The following SLMAP variants were observed in gnomAD, a reference collection of about 807,000 sequenced individuals.
SLMAP encodes sarcolemmal membrane-associated protein.
Under a neutral mutation model 128.8 loss-of-function variants are expected in SLMAP, and 44 were observed. The ratio of observed to expected loss-of-function variants is 0.34; its 90% confidence interval spans 0.27 to 0.44. SLMAP has a LOEUF of 0.44. Ranked by LOEUF, SLMAP falls within the 20% of genes least tolerant of loss-of-function variation. The pLI is 1.00. For synonymous variants in SLMAP, 327 were observed against 348.8 expected, an observed-to-expected ratio of 0.94 and a Z score of 0.70; for missense variants, 787 against 985.3, an observed-to-expected ratio of 0.80 and a Z score of 2.69.
intron 2 of SLMAP, among the ~76,000 whole-genome samples, chr3:57,759,161 G>C (rs1301877860): frequency 6.6e-6 from 1 of 152,158 alleles, no homozygotes; most frequent in Non-Finnish European, 1.5e-5. Context: ...GAACTGAAGA[G>C]TATGTTAACT....
At chr3:57,890,133 G>T in intron 15 of SLMAP, 33 bp downstream of exon 15, 1 of 1,604,054 alleles carries the variant, frequency 6.2e-7, no homozygotes, top group South Asian at 1.1e-5. Flanking sequence ...TTTTTTGACA[G>T]TTCTTTTGGA....
chr3:57,874,879 T>A lies in SLMAP; in HGVS notation c.1300+3181T>A, dbSNP rs1275320988. ...TGTCTCAAAAAAAAAAAAAAAGCTT[T>A]TTACTTTTTAATGTCTATTTTATTA... is the stretch of plus-strand genomic sequence containing the variant. On this transcript the variant is annotated intron_variant, in intron 14 of 24. Coordinates refer to ENST00000671191, the MANE Select transcript of SLMAP (RefSeq NM_001377540.1). 2.0e-5 allele frequency among the ~76,000 whole-genome samples: 3 copies of A among 152,210 alleles called. No individual in the cohort carries two copies. In the South Asian group the frequency reaches 6.2e-4, roughly 32 times the overall value.
chr3:57,870,718 A>T (rs2095461491), intron 13 of SLMAP, among the ~76,000 whole-genome samples: 2 of 152,202 alleles, frequency 1.3e-5, no homozygotes, highest in African/African-American at 2.4e-5. Flanking sequence ...GGAGGTTTTT[A>T]TAGAGAGAAT....
At chr3:57,801,908 T>C (rs2088530152) in intron 2 of SLMAP, among the ~76,000 whole-genome samples, 1 of 152,120 alleles carries the variant, frequency 6.6e-6, no homozygotes, top group Non-Finnish European at 1.5e-5. Context: ...CACTGAATAT[T>C]TATTATTTAA....
intron 4 of SLMAP, among the ~76,000 whole-genome samples, chr3:57,844,226 C>T (rs904651811): frequency 1.3e-5 from 2 of 151,954 alleles, no homozygotes; most frequent in Admixed American, 6.6e-5. Flanking sequence ...AACCCCGTCT[C>T]TACTAAAAAT....
chr3:57,857,762 A>G lies in SLMAP; in HGVS notation c.549A>G (p.Glu183=), dbSNP rs967568643. The part of the protein sequence containing the change: ...QEALHREQML[E]QKLATLQRLL... The stretch of plus-strand genomic sequence containing the variant: ...CCTTACATCGGGAACAAATGTTGGA[A>G]CAGAAGTTAGCCACGCTTCAGCGGC... The change falls in exon 7 of 25, where the codon GAA becomes GAG. Residue 183 remains glutamate, a synonymous_variant. Coordinates refer to ENST00000671191, the MANE Select transcript of SLMAP (RefSeq NM_001377540.1). 6.2e-7 allele frequency: 1 copy of G among 1,613,864 alleles called. No individual in the cohort carries two copies. Among genetic ancestry groups the G allele is most frequent in the East Asian group, 2.2e-5 (1 of 44,862 alleles).
intron 2 of SLMAP, among the ~76,000 whole-genome samples, chr3:57,773,596 A>G (rs2081290511): frequency 6.6e-6 from 1 of 152,198 alleles, no homozygotes; most frequent in Non-Finnish European, 1.5e-5. Context: ...AACTGTGGGG[A>G]AAGCAATGCC....
intron 6 of SLMAP, 92 bp downstream of exon 6, chr3:57,849,908 T>C: frequency 1.3e-6 from 1 of 758,996 alleles, no homozygotes. Flanking sequence ...GCATGGTGGC[T>C]AATGCCTGTA....
At chr3:57,776,700 G>A (rs567458827) in intron 2 of SLMAP, among the ~76,000 whole-genome samples, 213 of 151,188 alleles carry the variant, frequency 1.4e-3, no homozygotes, top group African/African-American at 4.7e-3. Context: ...CTAATTTTTT[G>A]TATTTAGTAG....
intron 13 of SLMAP, among the ~76,000 whole-genome samples, chr3:57,869,630 T>TTATA (rs55916379): frequency 0.055 from 4,125 of 75,318 alleles, 162 homozygotes; most frequent in Non-Finnish European, 0.067. Context: ...CCCATCTCTA[T>TTATA]TATATATATA....
intron 15 of SLMAP, 67 bp downstream of exon 15, chr3:57,890,167 C>A: frequency 6.7e-7 from 1 of 1,497,538 alleles, no homozygotes; most frequent in Admixed American, 1.7e-5. Context: ...TGTATATTTT[C>A]AAGGTTATAG....
chr3:57,765,340 A>G (rs1396157740), intron 2 of SLMAP, among the ~76,000 whole-genome samples: 3 of 152,168 alleles, frequency 2.0e-5, no homozygotes, highest in Admixed American at 6.6e-5. Context: ...GTTCAAGGCT[A>G]TAGTGCACTA....
intron 6 of SLMAP, among the ~76,000 whole-genome samples, chr3:57,856,449 A>G (rs1227147429): frequency 3.9e-5 from 6 of 152,126 alleles, no homozygotes; most frequent in Non-Finnish European, 2.9e-5. Context: ...TTACTTTTTA[A>G]ACTTTTTTGT....
At chr3:57,756,407 C>T (rs1033914636) in intron 1 of SLMAP, 65 bp downstream of exon 1, 1 of 152,566 alleles carries the variant, frequency 6.6e-6, no homozygotes, top group Non-Finnish European at 1.5e-5. Flanking sequence ...GCTCCAAATC[C>T]TCGTAGCCTG....
chr3:57,804,302 A>G (rs189623748), intron 2 of SLMAP, among the ~76,000 whole-genome samples: 1 of 152,308 alleles, frequency 6.6e-6, no homozygotes, highest in Non-Finnish European at 1.5e-5. Flanking sequence ...TCGTTGTTAC[A>G]TAGGGCTGTA....
chr3:57,873,071 A>G (rs1363392021), intron 14 of SLMAP, among the ~76,000 whole-genome samples: 1 of 152,238 alleles, frequency 6.6e-6, no homozygotes, highest in East Asian at 1.9e-4. Flanking sequence ...GAGATCCTTC[A>G]AAGAAACTGA....
intron 14 of SLMAP, among the ~76,000 whole-genome samples, chr3:57,879,157 C>T (rs2095668628): frequency 6.6e-6 from 1 of 152,198 alleles, no homozygotes; most frequent in African/African-American, 2.4e-5. Context: ...CATATTCAGC[C>T]TCCTTTGAAC....
At position 57,770,052 on chromosome 3, in the gene SLMAP, G is replaced by A. The variant is rs2080516629; in HGVS notation, c.198+12203G>A. The stretch of plus-strand genomic sequence containing the variant: ...CATAGAAGCAGTAAAGTATTGTTAG[G>A]ATGAACTGTACTAGTTTGATTAGAA... On this transcript the variant is annotated intron_variant, in intron 2 of 24. Coordinates refer to ENST00000671191, the MANE Select transcript of SLMAP (RefSeq NM_001377540.1). Among the ~76,000 whole-genome samples the A allele has an allele frequency of 3.3e-5, 5 of 152,164 alleles. 1 individual carries two copies. In the South Asian group the frequency reaches 1.0e-3, roughly 32 times the overall value.
At chr3:57,849,869 A>G in intron 6 of SLMAP, 53 bp downstream of exon 6, 1 of 1,022,360 alleles carries the variant, frequency 9.8e-7, no homozygotes, top group Non-Finnish European at 1.6e-6. Context: ...TAAACTTTTA[A>G]AAGTTCTTAA....
Sources: gnomAD v4.1 joint callset for allele counts (sites outside exome capture counted in the v4.1 genomes callset) on GRCh38, gnomAD v4.1.1 for gene constraint, MANE v1.5 for transcripts, NCBI Gene and HGNC (gene_info 2026-07-23, HGNC 2026-07-21) for gene names.